PRDM10: variants seen among roughly 807,000 people sequenced by gnomAD.
The protein encoded by PRDM10 is PR domain zinc finger protein 10.
A neutral mutation model predicts 133.1 loss-of-function variants in PRDM10; 65 were observed. The ratio of observed to expected loss-of-function variants is 0.49; its 90% CI spans 0.40 to 0.60. The LOEUF is 0.60. Ranked by LOEUF, PRDM10 falls within the 20% of genes least tolerant of loss-of-function variation. The probability of loss-of-function intolerance (pLI) is 0.00; values close to 1 mark genes in which losing one functional copy is unlikely to be tolerated. For missense variants in PRDM10, 1,137 were observed against 1,507.1 expected (o/e 0.75, Z 4.07); for synonymous variants, 582 against 580.4 (o/e 1.00, Z -0.04).
intron 11 of PRDM10, among the ~76,000 whole-genome samples, chr11:129,929,676 C>T (rs1026564017): frequency 1.3e-5 from 2 of 150,272 alleles, no homozygotes; most frequent in Non-Finnish European, 2.9e-5. Context: ...TTCAAAAATG[C>T]AAGTACAATT....
intron 15 of PRDM10, 114 bp from the exon 16 acceptor site, chr11:129,915,974 A>T: frequency 2.1e-6 from 2 of 941,242 alleles, no homozygotes; most frequent in Non-Finnish European, 1.5e-6. Context: ...GTAGCCCCAA[A>T]TAAAATATAT....
chr11:129,945,143 T>C lies in PRDM10; in HGVS notation c.521-131A>G. On this transcript the variant is annotated intron_variant, in intron 5 of 20. Transcript: ENST00000360871. This position sits in a 1 kb window ranked among gnomAD's most constrained non-coding sequence, Gnocchi z 4.2. ...AAATTCAATGAACTCCTAATGGCGC[T>C]ACCCATTCAACGGTAATACATTCTC... 3 of 1,096,072 alleles carry C rather than the reference T, an allele frequency of 2.7e-6. No individual in the cohort carries two copies. In the South Asian group the frequency reaches 4.3e-5, roughly 16 times the overall value. The allele number at this position is 1,096,072 out of a possible 1,614,324, so 67.9% of individuals were successfully genotyped here. A position where few individuals can be genotyped will look rare whatever the true frequency, so the allele number is the denominator to read the frequency against.
At chr11:129,963,390 A>AGG (rs1175986579) in intron 1 of PRDM10, among the ~76,000 whole-genome samples, 9 of 101,720 alleles carry the variant, frequency 8.8e-5, no homozygotes, top group African/African-American at 5.3e-4. Context: ...AAGAGAGAAG[A>AGG]GAAGAGAAGA....
chr11:129,939,583 C>T (rs759429299), intron 7 of PRDM10, among the ~76,000 whole-genome samples: 38 of 152,236 alleles, frequency 2.5e-4, no homozygotes, highest in Non-Finnish European at 4.8e-4. Context: ...GCTCACTGCT[C>T]CTGCACAAAC....
chr11:129,917,362 A>C, intron 14 of PRDM10, 125 bp from the exon 15 acceptor site: 1 of 699,864 alleles, frequency 1.4e-6, no homozygotes, highest in East Asian at 2.8e-5. Context: ...CCAAATAATA[A>C]GGCATTTGGC....
At chr11:129,967,133 G>A (rs1193211426) in intron 1 of PRDM10, among the ~76,000 whole-genome samples, 1 of 152,202 alleles carries the variant, frequency 6.6e-6, no homozygotes, top group East Asian at 1.9e-4. Context: ...GCTCATGCCT[G>A]TAATCCCAAC....
At position 129,961,006 on chromosome 11, in the gene PRDM10, C is replaced by T; in HGVS notation, c.-42G>A. 1.3e-6 allele frequency: 2 copies of T among 1,590,692 alleles called. No individual in the cohort carries two copies. Among genetic ancestry groups the T allele is most frequent in the Non-Finnish European group, 1.7e-6 (2 of 1,159,204 alleles). ...AGCTCCACGTCTGGCACACCTAGAG[C>T]AGCACAGGGTACAGGACAGTCATCT... On this transcript the variant is annotated 5_prime_UTR_variant, in exon 2 of 21. Transcript: ENST00000360871.
At chr11:129,909,444 C>T (rs539455192) in intron 19 of PRDM10, among the ~76,000 whole-genome samples, 15 of 148,390 alleles carry the variant, frequency 1.0e-4, no homozygotes, top group Non-Finnish European at 1.9e-4. Flanking sequence ...AGCGAGACCC[C>T]ATCTCAAAAA....
At chr11:129,927,822 C>G (rs1950729450) in intron 11 of PRDM10, among the ~76,000 whole-genome samples, 1 of 152,196 alleles carries the variant, frequency 6.6e-6, no homozygotes, top group Admixed American at 6.5e-5. Flanking sequence ...CAGGCCATTT[C>G]TGTTCTAAGG....
chr11:129,936,069 C>T (rs1006884711), intron 8 of PRDM10, among the ~76,000 whole-genome samples: 14 of 152,252 alleles, frequency 9.2e-5, no homozygotes. Context: ...GGCAGTCAAG[C>T]TTGATCACCC....
intron 1 of PRDM10, among the ~76,000 whole-genome samples, chr11:129,975,756 C>T (rs1937721664): frequency 6.6e-6 from 1 of 152,206 alleles, no homozygotes; most frequent in Non-Finnish European, 1.5e-5. Flanking sequence ...AGCTGGTCTC[C>T]AACCCACCGC....
intron 1 of PRDM10, among the ~76,000 whole-genome samples, chr11:129,981,465 CT>C (rs200788963): frequency 6.6e-6 from 1 of 152,060 alleles, no homozygotes; most frequent in East Asian, 1.9e-4. Flanking sequence ...TGTAATCATA[CT>C]TTTTTTTCCA....
chr11:129,918,435 T>C lies in PRDM10; in HGVS notation c.2214+104A>G. 7.5e-7 allele frequency: 1 copy of C among 1,330,322 alleles called. No homozygotes were observed. Among genetic ancestry groups the C allele is most frequent in the South Asian group, 1.8e-5 (1 of 56,134 alleles). 82.4% of individuals were successfully genotyped at this position (1,330,322 alleles called of 1,614,324 possible). On this transcript the variant is annotated intron_variant, in intron 14 of 20. Transcript: ENST00000360871. The surrounding 1 kb of genome is among the most constrained non-coding windows in gnomAD (Gnocchi z 5.3). ...TTCCCCTGGACATTGACAAAACCATTGATCGATATAACTTAGGACACAATG... is the reference window on the plus strand; with the variant it reads ...TTCCCCTGGACATTGACAAAACCATCGATCGATATAACTTAGGACACAATG...
At position 129,920,750 on chromosome 11, in the gene PRDM10, A is replaced by C. The variant is rs368403911; in HGVS notation, c.2035-2032T>G. Among the ~76,000 whole-genome samples the C allele has an allele frequency of 1.4e-4, 21 of 151,820 alleles. 1 individual carries two copies. Among genetic ancestry groups the C allele is most frequent in the East Asian group, 1.4e-3 (7 of 5,156 alleles). On this transcript the variant is annotated intron_variant, in intron 13 of 20. Transcript: ENST00000360871. Reference sequence around the variant, plus strand: ...TTTCCCACCCATGAATGGATTCAAAAGTGTCACCATATCTATGAGGTCTCC... The same window carrying C: ...TTTCCCACCCATGAATGGATTCAAACGTGTCACCATATCTATGAGGTCTCC...
chr11:129,944,213 C>G (rs1312892284), intron 6 of PRDM10, among the ~76,000 whole-genome samples: 1 of 152,128 alleles, frequency 6.6e-6, no homozygotes. Context: ...GTTGTTTGAG[C>G]CTCCCAGTCT....
At position 129,905,363 on chromosome 11, in the gene PRDM10, G is replaced by GAAAAAAA. The variant is rs57268294; in HGVS notation, c.3267+268_3267+274dup. On this transcript the variant is annotated intron_variant, in intron 20 of 20. Coordinates refer to ENST00000360871, the MANE Select transcript of PRDM10 (RefSeq NM_199437.2). ...GGCGACACAGCAAGACTCTGTCTCA[G>GAAAAAAA]AAAAAAAAAAAAAAAAAAAAGGCTC... 2.9e-5 allele frequency among the ~76,000 whole-genome samples: 2 copies of GAAAAAAA among 69,440 alleles called. 1 individual carries two copies. The highest frequency in any genetic ancestry group is 5.5e-5 in the Non-Finnish European group (2 of 36,248). The allele number at this position is 69,440 out of a possible 152,430, so 45.6% of individuals were successfully genotyped here. A position where few individuals can be genotyped will look rare whatever the true frequency, so the allele number is the denominator to read the frequency against.
intron 13 of PRDM10, among the ~76,000 whole-genome samples, chr11:129,920,689 A>C (rs992627813): frequency 1.3e-5 from 2 of 148,794 alleles, no homozygotes; most frequent in Non-Finnish European, 3.0e-5. Context: ...TTCCTCCCTC[A>C]CTCCTCACCT....
In PRDM10 at chr11:129,918,088, G is replaced by A. The variant is rs1440644255; in HGVS notation, c.2214+451C>T. Reference sequence around the variant, plus strand: ...GGAGGTTGCAGTGAGCTGAGATCACGCCATTTCACTCCAGCCTGGGCAACA... The same window carrying A: ...GGAGGTTGCAGTGAGCTGAGATCACACCATTTCACTCCAGCCTGGGCAACA... On this transcript the variant is annotated intron_variant, in intron 14 of 20. Transcript: ENST00000360871. This position sits in a 1 kb window ranked among gnomAD's most constrained non-coding sequence, Gnocchi z 5.3. Among the ~76,000 whole-genome samples, 5 of 151,928 alleles carry A rather than the reference G, an allele frequency of 3.3e-5. No individual in the cohort carries two copies. Among genetic ancestry groups the A allele is most frequent in the Admixed American group, 6.6e-5 (1 of 15,244 alleles).
Position 129,945,254 on chromosome 11 carries a change from T to C in PRDM10, c.521-242A>G, listed in dbSNP as rs1052378188. On this transcript the variant is annotated intron_variant, in intron 5 of 20. Transcript: ENST00000360871. This position sits in a 1 kb window ranked among gnomAD's most constrained non-coding sequence, Gnocchi z 4.2. The stretch of plus-strand genomic sequence containing the variant: ...CCTGCCAAAAACAACTAGCAGGCCA[T>C]GACTGACTTCTTTGCTGGAGAGTCC... Among the ~76,000 whole-genome samples, 1 of 152,228 alleles carries C rather than the reference T, an allele frequency of 6.6e-6. No individual in the cohort carries two copies. The highest frequency in any genetic ancestry group is 1.5e-5 in the Non-Finnish European group (1 of 68,038).
Sources: gnomAD v4.1 joint callset for allele counts (sites outside exome capture counted in the v4.1 genomes callset) on GRCh38, gnomAD v4.1.1 for gene constraint, Gnocchi (gnomAD v3.1) non-coding constraint, MANE v1.5 for transcripts, NCBI Gene and HGNC (gene_info 2026-07-23, HGNC 2026-07-21) for gene names.